PHF14: variants seen among roughly 807,000 people sequenced by gnomAD.
PHF14 encodes PHD finger protein 14.
In PHF14, 55 loss-of-function variants were observed where a neutral mutation model predicts 117.9. That is an observed-to-expected ratio of 0.47 (90% CI 0.38 to 0.58). The LOEUF (loss-of-function observed/expected upper bound fraction) is 0.58, where lower values mean the gene tolerates loss of function less well. PHF14 is among the 20% of genes least tolerant of loss of function. The pLI is 0.00. For synonymous variants in PHF14, 409 were observed against 368.6 expected (o/e 1.11, Z -1.26); for missense variants, 978 against 1,122.2 (o/e 0.87, Z 1.84).
chr7:11,156,978 C>T (rs914408900), intron 17 of PHF14, among the ~76,000 whole-genome samples: 3 of 152,108 alleles, frequency 2.0e-5, no homozygotes, highest in Non-Finnish European at 4.4e-5. Flanking sequence ...GATATCATAA[C>T]TGAACTCTGT....
chr7:11,114,860 G>A (rs10246591), intron 17 of PHF14, among the ~76,000 whole-genome samples: 4,945 of 152,086 alleles, frequency 0.033, 173 homozygotes, highest in African/African-American at 0.086. Flanking sequence ...CCCAGACAGT[G>A]CACTATGCTT....
chr7:11,107,641 T>C (rs1042303264), intron 16 of PHF14: 18 of 679,558 alleles, frequency 2.6e-5, no homozygotes, highest in Non-Finnish European at 3.3e-5. Flanking sequence ...TTTTTTAATA[T>C]TTTAAGACAT....
intron 17 of PHF14, among the ~76,000 whole-genome samples, chr7:11,122,428 CGTAT>C (rs1787802534): frequency 1.7e-5 from 2 of 118,336 alleles, no homozygotes; most frequent in Admixed American, 1.7e-4. Flanking sequence ...TATATATACA[CGTAT>C]ATATATATAC....
chr7:10,993,485 T>C (rs184265193), intron 4 of PHF14, among the ~76,000 whole-genome samples: 57 of 152,350 alleles, frequency 3.7e-4, no homozygotes, highest in Non-Finnish European at 7.6e-4. Flanking sequence ...TAATGTTTGT[T>C]GAGTACCTTC....
intron 4 of PHF14, among the ~76,000 whole-genome samples, chr7:10,993,624 A>G (rs1782534957): frequency 6.6e-6 from 1 of 152,224 alleles, no homozygotes; most frequent in Non-Finnish European, 1.5e-5. Flanking sequence ...TTGGTGGCCC[A>G]GATTCTGAAG....
At chr7:11,086,182 C>G (rs771433691) in intron 16 of PHF14, among the ~76,000 whole-genome samples, 1 of 152,138 alleles carries the variant, frequency 6.6e-6, no homozygotes, top group Non-Finnish European at 1.5e-5. Flanking sequence ...AGTTGTCTTA[C>G]TAAAACATGA....
intron 16 of PHF14, among the ~76,000 whole-genome samples, chr7:11,076,830 A>G (rs1407515736): frequency 6.7e-6 from 1 of 150,134 alleles, no homozygotes; most frequent in African/African-American, 2.4e-5. Context: ...GGCCTCCCAA[A>G]GTGCTGGGAT....
chr7:11,147,100 G>A (rs1788569283), intron 17 of PHF14, among the ~76,000 whole-genome samples: 2 of 152,086 alleles, frequency 1.3e-5, no homozygotes, highest in South Asian at 4.2e-4. Context: ...TGCCCACCTC[G>A]GCTTCCCAAA....
intron 17 of PHF14, among the ~76,000 whole-genome samples, chr7:11,139,336 C>G (rs1788337003): frequency 6.6e-6 from 1 of 152,106 alleles, no homozygotes; most frequent in South Asian, 2.1e-4. Context: ...TGATTGTATT[C>G]TCACCTGTTT....
At chr7:11,092,286 A>T (rs189431044) in intron 16 of PHF14, among the ~76,000 whole-genome samples, 66 of 152,302 alleles carry the variant, frequency 4.3e-4, no homozygotes, top group African/African-American at 1.5e-3. Flanking sequence ...ATTAGGGTGC[A>T]TTTGAAGCAC....
intron 17 of PHF14, among the ~76,000 whole-genome samples, chr7:11,133,679 T>A (rs1788144904): frequency 6.6e-6 from 1 of 151,922 alleles, no homozygotes; most frequent in African/African-American, 2.4e-5. Context: ...ATATGGAGTT[T>A]AGGGCAGTGT....
In PHF14 at chr7:11,048,519, C is replaced by A. The variant is rs114047609; in HGVS notation, c.2313-3093C>A. ...CCGGGAGATGGAGGTTACAGTGAGC[C>A]TTAGATCATGCCACTGCACTCCAGC... On this transcript the variant is annotated intron_variant, in intron 13 of 17. Coordinates refer to ENST00000634607, the MANE Select transcript of PHF14 (RefSeq NM_001007157.2). Among the ~76,000 whole-genome samples the A allele has an allele frequency of 5.9e-3, 903 of 152,218 alleles. 8 individuals are homozygous for A. The highest frequency in any genetic ancestry group is 0.021 in the African/African-American group (862 of 41,530).
intron 2 of PHF14, among the ~76,000 whole-genome samples, chr7:10,980,759 G>A (rs1212746674): frequency 6.6e-6 from 1 of 152,104 alleles, no homozygotes; most frequent in Non-Finnish European, 1.5e-5. Flanking sequence ...TTTGATTATA[G>A]GATAATACCA....
chr7:11,147,575 GTTAT>G (rs762279169), intron 17 of PHF14, among the ~76,000 whole-genome samples: 22 of 152,250 alleles, frequency 1.4e-4, no homozygotes, highest in Non-Finnish European at 2.6e-4. Context: ...ACCTCTCAAT[GTTAT>G]TTAACAATGT....
At chr7:11,061,613 T>C in intron 14 of PHF14, 178 bp from the exon 15 acceptor site, 1 of 401,732 alleles carries the variant, frequency 2.5e-6, no homozygotes. Flanking sequence ...TTATTTCCTA[T>C]GGCATAAATG....
chr7:11,001,211 T>C (rs1782861029), intron 4 of PHF14, among the ~76,000 whole-genome samples: 1 of 152,158 alleles, frequency 6.6e-6, no homozygotes, highest in African/African-American at 2.4e-5. Context: ...CTATATTTCT[T>C]TGGGTCTTTT....
At chr7:11,138,030 G>GA (rs1788275961) in intron 17 of PHF14, among the ~76,000 whole-genome samples, 1 of 145,282 alleles carries the variant, frequency 6.9e-6, no homozygotes, top group South Asian at 2.2e-4. Flanking sequence ...AGGAAACAGG[G>GA]AAAAATACTT....
At chr7:11,069,093 C>T (rs1241825387) in intron 16 of PHF14, among the ~76,000 whole-genome samples, 3 of 152,088 alleles carry the variant, frequency 2.0e-5, no homozygotes, top group Non-Finnish European at 4.4e-5. Flanking sequence ...TTTTCTTATT[C>T]TGGTAGCATC....
intron 4 of PHF14, among the ~76,000 whole-genome samples, chr7:10,991,964 C>G (rs1782471596): frequency 6.7e-6 from 1 of 150,280 alleles, no homozygotes; most frequent in Non-Finnish European, 1.5e-5. Flanking sequence ...AAATAAAATT[C>G]AGAAGTAGGA....
Sources: allele counts gnomAD v4.1 joint callset (sites outside exome capture counted in the v4.1 genomes callset), GRCh38; gene constraint gnomAD v4.1.1; transcripts MANE v1.5; gene names NCBI Gene and HGNC (gene_info 2026-07-23, HGNC 2026-07-21).